Variants in ICE2 observed in about 807,000 individuals in gnomAD.
The protein encoded by ICE2 is little elongation complex subunit 2.
A neutral mutation model predicts 105.4 loss-of-function variants in ICE2; 87 were observed. That is an observed-to-expected ratio of 0.83 (90% CI 0.69 to 0.99). The LOEUF is 0.99. Ranked by LOEUF, ICE2 falls within the 50% of genes least tolerant of loss-of-function variation. ICE2 has a pLI of 0.00. For synonymous variants in ICE2, 399 were observed against 392.0 expected (o/e 1.02, Z -0.21); for missense variants, 1,323 against 1,146.7 (o/e 1.15, Z -2.22).
intron 5 of ICE2, 79 bp downstream of exon 5, chr15:60,466,515 G>C: frequency 1.3e-6 from 2 of 1,508,936 alleles, no homozygotes; most frequent in Non-Finnish European, 9.0e-7. Context: ...GAATGCTTTT[G>C]GTGGAATCAT....
chr15:60,447,010 C>T (rs1023369892), intron 11 of ICE2, among the ~76,000 whole-genome samples: 4 of 151,886 alleles, frequency 2.6e-5, no homozygotes, highest in South Asian at 2.1e-4. Context: ...AGTAGTCATA[C>T]ACACAAAAAA....
At chr15:60,436,514 C>T (rs1595754464) in intron 12 of ICE2, among the ~76,000 whole-genome samples, 1 of 151,664 alleles carries the variant, frequency 6.6e-6, no homozygotes, top group East Asian at 1.9e-4. Flanking sequence ...AATTTATGAA[C>T]AACAACTATT....
intron 11 of ICE2, 60 bp downstream of exon 11, chr15:60,447,909 AT>A: frequency 7.7e-7 from 1 of 1,301,664 alleles, no homozygotes; most frequent in Non-Finnish European, 1.1e-6. Context: ...CAGTAATGGC[AT>A]GTTAAGTATC....
At position 60,468,436 on chromosome 15, in the gene ICE2, T is replaced by C. The variant is rs189527140; in HGVS notation, c.147-114A>G. 5.2e-5 allele frequency: 41 copies of C among 794,834 alleles called. No homozygotes were observed. The African/African-American group carries it at 6.1e-4, about 12-fold the overall frequency. 49.2% of individuals were successfully genotyped at this position (794,834 alleles called of 1,614,324 possible). A position where few individuals can be genotyped will look rare whatever the true frequency, so the allele number is the denominator to read the frequency against. ...ATATAGCGTGATTAACAGAGTAAACTCTGGATTATTATCTAACTCTGCCAC... is the reference window on the plus strand; with the variant it reads ...ATATAGCGTGATTAACAGAGTAAACCCTGGATTATTATCTAACTCTGCCAC... On this transcript the variant is annotated intron_variant, in intron 3 of 15. Coordinates refer to ENST00000261520, the MANE Select transcript of ICE2 (RefSeq NM_024611.6).
chr15:60,463,360 G>T (rs1426554920), intron 5 of ICE2, among the ~76,000 whole-genome samples: 1 of 152,078 alleles, frequency 6.6e-6, no homozygotes, highest in Non-Finnish European at 1.5e-5. Flanking sequence ...TAATATAATG[G>T]AAAAATGGAC....
At chr15:60,458,592 G>T (rs1228958778) in intron 5 of ICE2, among the ~76,000 whole-genome samples, 1 of 152,082 alleles carries the variant, frequency 6.6e-6, no homozygotes, top group Non-Finnish European at 1.5e-5. Flanking sequence ...CGAAACGTAA[G>T]ACTTCTACAT....
chr15:60,457,628 G>A (rs2064163504), intron 5 of ICE2, among the ~76,000 whole-genome samples: 1 of 152,048 alleles, frequency 6.6e-6, no homozygotes, highest in Non-Finnish European at 1.5e-5. Context: ...TTACAAATCA[G>A]TAACTTTACT....
chr15:60,431,291 T>C (rs528686607), intron 14 of ICE2, among the ~76,000 whole-genome samples: 6 of 152,128 alleles, frequency 3.9e-5, no homozygotes, highest in Non-Finnish European at 7.3e-5. Flanking sequence ...GTGACTGTAT[T>C]ATATTTAATC....
At position 60,442,429 on chromosome 15, in the gene ICE2, G is replaced by A; in HGVS notation, c.2412C>T (p.Ser804=). The change falls in exon 12 of 16, where the codon AGC becomes AGT. Residue 804 remains serine, a synonymous_variant. Coordinates refer to ENST00000261520, the MANE Select transcript of ICE2 (RefSeq NM_024611.6). ...LWTESLLHSN[S]SFYVGHIDAF... ...TGTATAACTTACCAACATAAAATGA[G>A]CTGTTGGAATGCAATAAACTTTCAG... The A allele has an allele frequency of 6.3e-7, 1 of 1,582,092 alleles. No homozygotes were observed. The highest frequency in any genetic ancestry group is 8.5e-7 in the Non-Finnish European group (1 of 1,173,042).
At chr15:60,474,360 C>T (rs868081379) in intron 3 of ICE2, among the ~76,000 whole-genome samples, 1 of 151,990 alleles carries the variant, frequency 6.6e-6, no homozygotes. Context: ...ACAGTTTATC[C>T]TACTTATACA....
chr15:60,473,899 AT>A (rs1444608828), intron 3 of ICE2, among the ~76,000 whole-genome samples: 5 of 152,092 alleles, frequency 3.3e-5, no homozygotes, highest in African/African-American at 1.2e-4. Flanking sequence ...TAAAACGTTT[AT>A]TTTTAAAAAA....
rs375897679 is a variant in ICE2 at position 60,478,011 on chromosome 15, T to C, written c.-34A>G. 1.9e-5 allele frequency: 31 copies of C among 1,607,426 alleles called. No individual in the cohort carries two copies. Among genetic ancestry groups the C allele is most frequent in the Non-Finnish European group, 2.6e-5 (30 of 1,174,210 alleles). ...ATTTCTGCTTCACTCTAGCTCACAG[T>C]TCACAGCTGCCTGGCTGCGAAGGCT... On this transcript the variant is annotated 5_prime_UTR_variant, in exon 2 of 16. Transcript: ENST00000261520.
At chr15:60,470,636 A>T (rs1438830219) in intron 3 of ICE2, among the ~76,000 whole-genome samples, 1 of 152,172 alleles carries the variant, frequency 6.6e-6, no homozygotes. Context: ...CTAACAGTAC[A>T]TTTTATTTTT....
intron 15 of ICE2, among the ~76,000 whole-genome samples, chr15:60,425,896 C>G (rs1182671488): frequency 6.6e-6 from 1 of 152,138 alleles, no homozygotes; most frequent in Non-Finnish European, 1.5e-5. Context: ...TAATTCCTAT[C>G]AAACACAGGG....
At chr15:60,454,870 G>C (rs1044837070) in intron 8 of ICE2, 133 bp downstream of exon 8, 1 of 736,658 alleles carries the variant, frequency 1.4e-6, no homozygotes, top group Non-Finnish European at 2.1e-6. Flanking sequence ...CCCACCCCCT[G>C]ACAGGCCCCG....
Position 60,449,171 on chromosome 15 carries a change from A to C in ICE2, c.1796T>G (p.Leu599Ter). Residue 599 changes from leucine to a stop codon, truncating the protein, a stop_gained, in exon 10 of 16, where the codon TTA becomes TGA. Coordinates refer to ENST00000261520, the MANE Select transcript of ICE2 (RefSeq NM_024611.6). LOFTEE classifies it high-confidence loss of function. ...DGKTAVVGSN[L>*]SSRPASPNSS... ...ATTTGGACTAGCTGGTCTGGAACTT[A>C]AGTTAGAACCCACAACAGCTGTCTT... 6.2e-7 allele frequency: 1 copy of C among 1,614,118 alleles called. No homozygotes were observed. Among genetic ancestry groups the C allele is most frequent in the Non-Finnish European group, 8.5e-7 (1 of 1,179,956 alleles).
At chr15:60,470,898 A>C (rs574047060) in intron 3 of ICE2, among the ~76,000 whole-genome samples, 12 of 152,104 alleles carry the variant, frequency 7.9e-5, no homozygotes, top group South Asian at 6.2e-4. Context: ...ATTTCTTATA[A>C]ATACCCGTCA....
chr15:60,425,830 T>A (rs1371260394), intron 15 of ICE2, among the ~76,000 whole-genome samples: 2 of 152,206 alleles, frequency 1.3e-5, no homozygotes, highest in Admixed American at 1.3e-4. Context: ...TTAGATTGGT[T>A]GGGACTAGAA....
Position 60,455,108 on chromosome 15 carries a change from T to C in ICE2, c.838A>G (p.Ile280Val). 3 of 1,598,356 alleles carry C rather than the reference T, an allele frequency of 1.9e-6. No individual in the cohort carries two copies. Among genetic ancestry groups the C allele is most frequent in the Non-Finnish European group, 2.6e-6 (3 of 1,175,458 alleles). ...EKLVSRYHPQIALTSQSLFTL... is the reference protein window; with the variant it reads ...EKLVSRYHPQVALTSQSLFTL... ...AATAATGACTGACTAGTTAGAGCTA[T>C]CTGAGGGTGATATCTGGAAACAAGC... Residue 280 changes from isoleucine (I) to valine (V), a missense_variant, in exon 8 of 16, where the codon ATA becomes GTA. Ile to Val is a conservative substitution (Grantham distance 29). Coordinates refer to ENST00000261520, the MANE Select transcript of ICE2 (RefSeq NM_024611.6).
Sources: allele counts gnomAD v4.1 joint callset (sites outside exome capture counted in the v4.1 genomes callset), GRCh38; gene constraint gnomAD v4.1.1; transcripts MANE v1.5; gene names NCBI Gene and HGNC (gene_info 2026-07-23, HGNC 2026-07-21).